The following DAPK2 variants were observed in gnomAD, a reference collection of about 807,000 sequenced individuals.
The protein encoded by DAPK2 is death associated protein kinase 2.
DAPK2 carries 35 observed loss-of-function variants against 44.1 expected under a neutral mutation model. The ratio of observed to expected loss-of-function variants is 0.79; its 90% CI spans 0.61 to 1.05. The LOEUF is 1.05. Among genes scored for constraint, DAPK2 ranks in the 50% least tolerant of loss-of-function variants. The probability of loss-of-function intolerance (pLI) is 0.00; values close to 1 mark genes in which losing one functional copy is unlikely to be tolerated. For missense variants in DAPK2, 453 were observed against 483.2 expected, an observed-to-expected ratio of 0.94 and a Z score of 0.59; for synonymous variants, 174 against 182.6, an observed-to-expected ratio of 0.95 and a Z score of 0.38.
At chr15:63,958,926 T>C (rs2140608038) in intron 3 of DAPK2, among the ~76,000 whole-genome samples, 1 of 152,318 alleles carries the variant, frequency 6.6e-6, no homozygotes, top group South Asian at 2.1e-4. Flanking sequence ...TGGCATTGAA[T>C]CTATACATTA....
chr15:63,931,517 A>ACT (rs1479718247), intron 4 of DAPK2, among the ~76,000 whole-genome samples: 5 of 152,174 alleles, frequency 3.3e-5, no homozygotes, highest in Non-Finnish European at 5.9e-5. Context: ...GAAGGCAGAG[A>ACT]AGAACTCCAT....
rs2078827040 is a variant in DAPK2, at chr15:63,912,589, A to T, written c.859-392T>A. 1.3e-5 allele frequency among the ~76,000 whole-genome samples: 2 copies of T among 152,214 alleles called. No homozygotes were observed. Among genetic ancestry groups the T allele is most frequent in the Admixed American group, 1.3e-4 (2 of 15,280 alleles). ...TTGGCAAAACAAATGCCTTGTTGGT[A>T]GACGGGGAATTCATACTCCATTAAA... On this transcript the variant is annotated intron_variant, in intron 8 of 10. Coordinates refer to ENST00000261891, the Ensembl canonical transcript of DAPK2. This position sits in a 1 kb window ranked among gnomAD's most constrained non-coding sequence, Gnocchi z 4.4.
At chr15:63,952,736 G>A (rs2077625482) in intron 3 of DAPK2, among the ~76,000 whole-genome samples, 1 of 151,938 alleles carries the variant, frequency 6.6e-6, no homozygotes, top group Non-Finnish European at 1.5e-5. Context: ...GGCATACAAT[G>A]CATAATAATC....
intron 10 of DAPK2, chr15:63,909,660 G>C (rs953059278): frequency 6.6e-6 from 1 of 152,156 alleles, no homozygotes; most frequent in Admixed American, 6.5e-5. Flanking sequence ...AAATTAGCCA[G>C]GCATGGTGGT....
intron 4 of DAPK2, among the ~76,000 whole-genome samples, chr15:63,936,217 T>G (rs2077142271): frequency 6.6e-6 from 1 of 152,184 alleles, no homozygotes; most frequent in Admixed American, 6.5e-5. Flanking sequence ...TTCCTTCTGT[T>G]GAATTTTCTT....
intron 3 of DAPK2, among the ~76,000 whole-genome samples, chr15:63,968,269 G>A (rs193243816): frequency 6.6e-6 from 1 of 152,306 alleles, no homozygotes; most frequent in East Asian, 1.9e-4. Context: ...TGCCCAGGTG[G>A]GCCTAGGCCA....
chr15:63,983,524 C>T lies in DAPK2; in HGVS notation c.314+9G>A. ...CCCCAACCCTGTGGGTCCTGGGGAC[C>T]CCACTCACAGCTCAAGGATGAGCAC... On this transcript the variant is annotated intron_variant, in intron 2 of 10. Transcript: ENST00000261891. 3 of 1,612,850 alleles carry T rather than the reference C, an allele frequency of 1.9e-6. No homozygotes were observed. The highest frequency in any genetic ancestry group is 2.5e-6 in the Non-Finnish European group (3 of 1,178,948).
chr15:64,021,357 C>A (rs1236706601), intron 1 of DAPK2, among the ~76,000 whole-genome samples: 16 of 152,200 alleles, frequency 1.1e-4, no homozygotes, highest in Non-Finnish European at 2.2e-4. Context: ...TTGGTCTGTT[C>A]CCCTGCCCCA....
At chr15:63,997,937 T>G (rs7167478) in intron 1 of DAPK2, among the ~76,000 whole-genome samples, 1 of 152,012 alleles carries the variant, frequency 6.6e-6, no homozygotes, top group Non-Finnish European at 1.5e-5. Flanking sequence ...TTTCATGCAC[T>G]GATCCACACA....
At chr15:63,969,425 A>G (rs1348523470) in intron 3 of DAPK2, among the ~76,000 whole-genome samples, 1 of 150,792 alleles carries the variant, frequency 6.6e-6, no homozygotes, top group Non-Finnish European at 1.5e-5. Context: ...GTCCCCCCCA[A>G]AAAGAAACAC....
At position 63,960,236 on chromosome 15, in the gene DAPK2, C is replaced by T. The variant is rs2077852448; in HGVS notation, c.453+11187G>A. Among the ~76,000 whole-genome samples the T allele has an allele frequency of 2.6e-5, 4 of 151,822 alleles. No homozygotes were observed. In the South Asian group the frequency reaches 8.3e-4, roughly 32 times the overall value. ...CATTTTTTATCGCATCTATTTGATT[C>T]TTCTCTCTTTTCTTATTAGCCTTGA... On this transcript the variant is annotated intron_variant, in intron 3 of 10. Transcript: ENST00000261891.
intron 8 of DAPK2, among the ~76,000 whole-genome samples, chr15:63,913,630 C>T (rs2078853262): frequency 6.6e-6 from 1 of 152,166 alleles, no homozygotes; most frequent in African/African-American, 2.4e-5. Context: ...CGGAGCACAC[C>T]TCCACGCTTG....
chr15:64,010,368 C>G (rs1426873155), intron 1 of DAPK2, among the ~76,000 whole-genome samples: 1 of 152,212 alleles, frequency 6.6e-6, no homozygotes, highest in East Asian at 1.9e-4. Flanking sequence ...CTACTACTCT[C>G]AATAACAATA....
At chr15:64,006,791 G>A (rs1163675171) in intron 1 of DAPK2, among the ~76,000 whole-genome samples, 2 of 152,146 alleles carry the variant, frequency 1.3e-5, no homozygotes, top group East Asian at 3.9e-4. Context: ...TCATGTGTCA[G>A]ACAACTCATC....
At position 63,924,803 on chromosome 15, in the gene DAPK2, G is replaced by C. The variant is rs1166927982; in HGVS notation, c.858+13C>G. 6.2e-7 allele frequency: 1 copy of C among 1,614,108 alleles called. No homozygotes were observed. The highest frequency in any genetic ancestry group is 8.5e-7 in the Non-Finnish European group (1 of 1,179,946). ...GACCCTTTGCCCATTGGAACTCATG[G>C]CTGTGCCCTTACCGTGATCCAGGGG... On this transcript the variant is annotated intron_variant, in intron 8 of 10. Transcript: ENST00000261891.
At position 63,935,090 on chromosome 15, in the gene DAPK2, T is replaced by TTC. The variant is rs928239695; in HGVS notation, c.583+4141_583+4142insGA. 2.1e-4 allele frequency among the ~76,000 whole-genome samples: 8 copies of TTC among 38,742 alleles called. No individual in the cohort carries two copies. In the East Asian group the frequency reaches 0.058, roughly 279 times the overall value. 25.4% of individuals were successfully genotyped at this position (38,742 alleles called of 152,430 possible). A position where few individuals can be genotyped will look rare whatever the true frequency, so the allele number is the denominator to read the frequency against. ...TTGTTTTTCTTAAATCTTTGCCTTCTTTTTTTTTTTTTTTTCCTGATACAC... is the reference window on the plus strand; with the variant it reads ...TTGTTTTTCTTAAATCTTTGCCTTCTTCTTTTTTTTTTTTTTTCCTGATACAC... On this transcript the variant is annotated intron_variant, in intron 4 of 10. Transcript: ENST00000261891.
upstream of DAPK2, chr15:64,046,357 C>CGGCGGGCGA: frequency 2.1e-6 from 1 of 477,250 alleles, no homozygotes; most frequent in East Asian, 1.6e-4. This position sits in a 1 kb window ranked among gnomAD's most constrained non-coding sequence, Gnocchi z 5.3. Flanking sequence ...GCGGCGGGCG[C>CGGCGGGCGA]GGCGGGCGCG....
At chr15:63,962,253 T>A (rs2077923548) in intron 3 of DAPK2, among the ~76,000 whole-genome samples, 1 of 152,206 alleles carries the variant, frequency 6.6e-6, no homozygotes, top group South Asian at 2.1e-4. Context: ...CTAATCTTTT[T>A]TCAAGGTTTT....
intron 1 of DAPK2, among the ~76,000 whole-genome samples, chr15:63,999,286 C>T (rs1418289814): frequency 6.6e-6 from 1 of 152,202 alleles, no homozygotes; most frequent in Non-Finnish European, 1.5e-5. Flanking sequence ...TATCCATGGG[C>T]CAGGCATCAG....
Sources: gnomAD v4.1 joint callset for allele counts (sites outside exome capture counted in the v4.1 genomes callset) on GRCh38, gnomAD v4.1.1 for gene constraint, Gnocchi (gnomAD v3.1) non-coding constraint, MANE v1.5 for transcripts, NCBI Gene and HGNC (gene_info 2026-07-23, HGNC 2026-07-21) for gene names.